Variants in PNLIP observed in about 807,000 individuals in gnomAD.
The protein encoded by PNLIP is pancreatic lipase.
PNLIP carries 49 observed loss-of-function variants against 57.1 expected under a neutral mutation model. The ratio of observed to expected loss-of-function variants is 0.86; its 90% CI spans 0.68 to 1.09. The LOEUF (loss-of-function observed/expected upper bound fraction) is 1.09, where lower values mean the gene tolerates loss of function less well. Among genes scored for constraint, PNLIP ranks in the 50% least tolerant of loss-of-function variants. The probability of loss-of-function intolerance (pLI) is 0.00; values close to 1 mark genes in which losing one functional copy is unlikely to be tolerated. For synonymous variants in PNLIP, 209 were observed against 200.4 expected, an observed-to-expected ratio of 1.04 and a Z score of -0.36; for missense variants, 503 against 570.2, an observed-to-expected ratio of 0.88 and a Z score of 1.20.
chr10:116,563,537 C>T (rs1018899853), intron 12 of PNLIP, among the ~76,000 whole-genome samples: 1 of 152,212 alleles, frequency 6.6e-6, no homozygotes, highest in East Asian at 1.9e-4. Context: ...TTTTATCCCT[C>T]GCCCCTCCCA....
chr10:116,546,136 C>G lies in PNLIP; in HGVS notation c.44C>G (p.Ala15Gly). 1.2e-6 allele frequency: 2 copies of G among 1,612,636 alleles called. No homozygotes were observed. Among genetic ancestry groups the G allele is most frequent in the South Asian group, 2.2e-5 (2 of 91,040 alleles). ...CTTTCACTGCTGCTGGGAGCAGTAG[C>G]AGGTAAGAAAACAAATAAATGTTGA... ...WTLSLLLGAV[A>G]GKEVCYERLG... The change falls in exon 2 of 13, where the codon GCA becomes GGA. Residue 15 changes from alanine (A) to glycine (G), a missense_variant and splice_region_variant. Transcript: ENST00000369221.
chr10:116,552,624 C>A (rs187023321), intron 5 of PNLIP, among the ~76,000 whole-genome samples: 1 of 152,164 alleles, frequency 6.6e-6, no homozygotes, highest in South Asian at 2.1e-4. Flanking sequence ...CGGTGGCTCA[C>A]GCCTGTAATC....
chr10:116,551,295 A>G (rs878945757), intron 5 of PNLIP, 63 bp downstream of exon 5: 1 of 1,157,930 alleles, frequency 8.6e-7, no homozygotes. Flanking sequence ...CTTTCCAAAA[A>G]AAAAAAAAAA....
In PNLIP at chr10:116,550,292, T is replaced by A. The variant is rs550165947; in HGVS notation, c.325-806T>A. Among the ~76,000 whole-genome samples, 6 of 151,556 alleles carry A rather than the reference T, an allele frequency of 4.0e-5. No individual in the cohort carries two copies. The South Asian group carries it at 1.3e-3, about 32-fold the overall frequency. On this transcript the variant is annotated intron_variant, in intron 4 of 12. Transcript: ENST00000369221. ...CCAGGATGGTCTCGATCTCATGACC[T>A]TGTGATCCACCTGCCTCGGCCTCCC...
intron 3 of PNLIP, 130 bp downstream of exon 3, chr10:116,547,578 T>C (rs1369322661): frequency 3.5e-5 from 24 of 690,848 alleles, no homozygotes; most frequent in Non-Finnish European, 5.2e-5. Context: ...TACAAACAAT[T>C]AGCCAGGCGT....
chr10:116,566,163 A>C (rs766674030), intron 12 of PNLIP, among the ~76,000 whole-genome samples: 1 of 152,216 alleles, frequency 6.6e-6, no homozygotes, highest in African/African-American at 2.4e-5. Flanking sequence ...AATGTCTACC[A>C]ATAGAGGAAT....
intron 12 of PNLIP, among the ~76,000 whole-genome samples, chr10:116,564,984 G>A (rs958535821): frequency 1.3e-5 from 2 of 152,036 alleles, no homozygotes; most frequent in African/African-American, 4.8e-5. Flanking sequence ...AAAGGGGCCG[G>A]GTGTGGTGGC....
chr10:116,560,550 C>CTTTTTTT (rs753235094), intron 11 of PNLIP, 26 bp downstream of exon 11: 46 of 504,526 alleles, frequency 9.1e-5, no homozygotes, highest in South Asian at 2.6e-4. Flanking sequence ...TTGCTCTATG[C>CTTTTTTT]TTTTTTTTTT....
intron 9 of PNLIP, 51 bp from the exon 10 acceptor site, chr10:116,559,103 C>T: frequency 4.4e-6 from 7 of 1,581,714 alleles, no homozygotes; most frequent in Non-Finnish European, 6.0e-6. Flanking sequence ...AAATATGGTA[C>T]ACAACTAAAA....
intron 3 of PNLIP, 125 bp from the exon 4 acceptor site, chr10:116,548,235 G>A (rs757021494): frequency 1.1e-5 from 9 of 834,576 alleles, no homozygotes; most frequent in Non-Finnish European, 1.7e-5. Flanking sequence ...GGTTGCTATG[G>A]AGGAATCATT....
At position 116,566,651 on chromosome 10, in the gene PNLIP, AATT is replaced by A. The variant is rs370612477; in HGVS notation, c.1335-1082_1335-1080del. On this transcript the variant is annotated intron_variant, in intron 12 of 12. Transcript: ENST00000369221. ...TATTATCCTTATTTTATGGATAATT[AATT>A]AAGGTACTGTTTCTGAATTTCTATG... 2.8e-3 allele frequency among the ~76,000 whole-genome samples: 424 copies of A among 152,310 alleles called. 2 individuals are homozygous for A. Among genetic ancestry groups the A allele is most frequent in the African/African-American group, 9.7e-3 (402 of 41,558 alleles).
chr10:116,547,195 G>A (rs192982946), intron 2 of PNLIP, 99 bp from the exon 3 acceptor site: 50 of 1,147,620 alleles, frequency 4.4e-5, no homozygotes, highest in Non-Finnish European at 5.2e-6. Context: ...TAGCAGAGGA[G>A]GAAAGTCTAC....
chr10:116,566,516 G>T (rs958042086), intron 12 of PNLIP, among the ~76,000 whole-genome samples: 27 of 152,024 alleles, frequency 1.8e-4, no homozygotes, highest in Non-Finnish European at 2.9e-5. Flanking sequence ...TGTGTGTGTT[G>T]TGTGTGTGTG....
intron 5 of PNLIP, among the ~76,000 whole-genome samples, chr10:116,552,982 C>T (rs953015913): frequency 3.3e-5 from 5 of 152,198 alleles, no homozygotes; most frequent in East Asian, 1.9e-4. Flanking sequence ...AAGTCTTCAG[C>T]GGTGTGCAGT....
At chr10:116,551,365 G>T in intron 5 of PNLIP, 133 bp downstream of exon 5, 1 of 581,202 alleles carries the variant, frequency 1.7e-6, no homozygotes, top group East Asian at 3.5e-5. Context: ...TGTTTCTCTT[G>T]GCTACAAAGA....
At chr10:116,555,335 T>C in intron 7 of PNLIP, 38 bp downstream of exon 7, 1 of 1,614,122 alleles carries the variant, frequency 6.2e-7, no homozygotes. Flanking sequence ...GGTGTTATAG[T>C]GTCTGAGTCT....
intron 2 of PNLIP, 39 bp from the exon 3 acceptor site, chr10:116,547,255 G>T: frequency 6.2e-7 from 1 of 1,600,206 alleles, no homozygotes; most frequent in South Asian, 1.1e-5. Flanking sequence ...ATTAAAAAGA[G>T]CATGTTTGTA....
intron 12 of PNLIP, 34 bp downstream of exon 12, chr10:116,561,670 T>C: frequency 6.4e-7 from 1 of 1,572,972 alleles, no homozygotes; most frequent in South Asian, 1.2e-5. Context: ...ATGTGAAATA[T>C]CGAGTCTGTG....
At chr10:116,562,105 G>A (rs745985176) in intron 12 of PNLIP, among the ~76,000 whole-genome samples, 8 of 152,192 alleles carry the variant, frequency 5.3e-5, no homozygotes, top group Non-Finnish European at 1.2e-4. Context: ...AACCAGGACT[G>A]GAGTGTGTGG....
Sources: allele counts gnomAD v4.1 joint callset (sites outside exome capture counted in the v4.1 genomes callset), GRCh38; gene constraint gnomAD v4.1.1; transcripts MANE v1.5; gene names NCBI Gene and HGNC (gene_info 2026-07-23, HGNC 2026-07-21).